SLC12A1: variants seen among roughly 807,000 people sequenced by gnomAD.
The protein encoded by SLC12A1 is solute carrier family 12 member 1, also known as Na-K-2Cl cotransporter.
A neutral mutation model predicts 130.4 loss-of-function variants in SLC12A1; 89 were observed. The ratio of observed to expected loss-of-function variants is 0.68; its 90% confidence interval spans 0.58 to 0.81. The LOEUF (loss-of-function observed/expected upper bound fraction) is 0.81, where lower values mean the gene tolerates loss of function less well. SLC12A1 is among the 40% of genes least tolerant of loss of function. The probability of loss-of-function intolerance (pLI) is 0.00; values close to 1 mark genes in which losing one functional copy is unlikely to be tolerated. For synonymous variants in SLC12A1, 499 were observed against 460.0 expected (o/e 1.08, Z -1.09); for missense variants, 1,310 against 1,336.4 (o/e 0.98, Z 0.31).
chr15:48,287,998 TG>T (rs760685741), intron 21 of SLC12A1, 44 bp from the exon 22 acceptor site: 1 of 1,583,866 alleles, frequency 6.3e-7, no homozygotes. Context: ...ATTTTGTTTC[TG>T]CCCTCAAAAG....
intron 9 of SLC12A1, among the ~76,000 whole-genome samples, chr15:48,239,758 C>G (rs549195488): frequency 2.0e-5 from 3 of 151,510 alleles, no homozygotes; most frequent in African/African-American, 7.2e-5. Context: ...TCAAGTGATT[C>G]TCGTGCCTCA....
At chr15:48,302,626 CAAAAAAAAA>C (rs35095948) in intron 26 of SLC12A1, 115 bp from the exon 27 acceptor site, 11 of 142,140 alleles carry the variant, frequency 7.7e-5, no homozygotes, top group Middle Eastern at 3.0e-3. Flanking sequence ...GACTCCGTCT[CAAAAAAAAA>C]AAAAAAAAAA....
In SLC12A1 at chr15:48,230,402, T is replaced by A. The variant is rs2041359398; in HGVS notation, c.874T>A (p.Ser292Thr). 6.2e-7 allele frequency: 1 copy of A among 1,609,038 alleles called. No homozygotes were observed. The highest frequency in any genetic ancestry group is 1.3e-5 in the African/African-American group (1 of 74,852). Residue 292 changes from serine (S) to threonine (T), a missense_variant, in exon 7 of 27, where the codon TCG (serine) becomes ACG (threonine). By Grantham distance (58) the Ser-to-Thr change is moderately conservative. Transcript: ENST00000380993. ...TVVDLLKESD[S>T]MMVDPTNDIR... ...TAATTTGTTTCCCCAGGAGAGTGATTCGATGATGGTGGATCCAACCAATGA... is the reference window on the plus strand; with the variant it reads ...TAATTTGTTTCCCCAGGAGAGTGATACGATGATGGTGGATCCAACCAATGA...
At chr15:48,287,152 C>T (rs973061935) in intron 21 of SLC12A1, among the ~76,000 whole-genome samples, 4 of 152,166 alleles carry the variant, frequency 2.6e-5, no homozygotes, top group Non-Finnish European at 5.9e-5. Flanking sequence ...TTCAAAGACA[C>T]AGATATGAGA....
chr15:48,254,620 A>AAAAAAAAAAAAC (rs2041684045), intron 15 of SLC12A1, among the ~76,000 whole-genome samples: 1 of 135,660 alleles, frequency 7.4e-6, no homozygotes, highest in Non-Finnish European at 1.5e-5. Context: ...AAAAAAAAAA[A>AAAAAAAAAAAAC]AAAAAAAAAA....
chr15:48,303,202 C>A lies in SLC12A1; in HGVS notation c.*317C>A. On this transcript the variant is annotated 3_prime_UTR_variant, in exon 27 of 27. Coordinates refer to ENST00000380993, the MANE Select transcript of SLC12A1 (RefSeq NM_000338.3). The stretch of plus-strand genomic sequence containing the variant: ...CAATGTGATTGTAAACTTCTCCAGA[C>A]AAACTTAACCTTTTGTTTCTTAATT... 1 of 186,506 alleles carries A rather than the reference C, an allele frequency of 5.4e-6. No homozygotes were observed. Among genetic ancestry groups the A allele is most frequent in the Non-Finnish European group, 1.1e-5 (1 of 91,074 alleles). 11.6% of individuals were successfully genotyped at this position (186,506 alleles called of 1,614,324 possible). A position where few individuals can be genotyped will look rare whatever the true frequency, so the allele number is the denominator to read the frequency against.
chr15:48,235,315 C>A, intron 9 of SLC12A1: 56 of 315,852 alleles, frequency 1.8e-4, no homozygotes, highest in South Asian at 3.2e-4. Flanking sequence ...CTTTTAAACC[C>A]AAATGAATAG....
chr15:48,221,374 G>A (rs1368746100), intron 4 of SLC12A1: 1 of 701,560 alleles, frequency 1.4e-6, no homozygotes, highest in Admixed American at 2.0e-5. Flanking sequence ...AAACTTCACT[G>A]AACAAAAATA....
intron 25 of SLC12A1, among the ~76,000 whole-genome samples, chr15:48,300,646 C>T (rs562926732): frequency 2.0e-5 from 3 of 152,206 alleles, no homozygotes; most frequent in Admixed American, 1.3e-4. Flanking sequence ...ACAAACTGCC[C>T]GGTTCTGACC....
intron 9 of SLC12A1, among the ~76,000 whole-genome samples, chr15:48,235,615 G>C (rs2041431021): frequency 6.6e-6 from 1 of 151,852 alleles, no homozygotes; most frequent in African/African-American, 2.4e-5. Flanking sequence ...AGGCCGGCCT[G>C]GGCAACACAG....
intron 25 of SLC12A1, among the ~76,000 whole-genome samples, 162 bp from the exon 26 acceptor site, chr15:48,301,152 AT>A (rs2042227692): frequency 6.6e-6 from 1 of 152,242 alleles, no homozygotes; most frequent in East Asian, 1.9e-4. Flanking sequence ...AAAATTTCTC[AT>A]GAGGTTTTAA....
intron 9 of SLC12A1, chr15:48,237,121 T>C: frequency 1.5e-6 from 1 of 673,288 alleles, no homozygotes; most frequent in Non-Finnish European, 2.7e-6. Context: ...AGAAATTGCC[T>C]GTCCCCTCAA....
chr15:48,269,785 C>A lies in SLC12A1; in HGVS notation c.2402+21C>A, dbSNP rs749924651. ...ATACAGTAAGTGATGGCTTTCAAGA[C>A]GTGTTCTTGTTTATAAAGCACTAAG... is the stretch of plus-strand genomic sequence containing the variant. On this transcript the variant is annotated intron_variant, in intron 19 of 26. Transcript: ENST00000380993. 3 of 1,349,586 alleles carry A rather than the reference C, an allele frequency of 2.2e-6. No homozygotes were observed. The Admixed American group carries it at 5.1e-5, about 23-fold the overall frequency. 83.6% of individuals were successfully genotyped at this position (1,349,586 alleles called of 1,614,324 possible).
rs1051622941 is a variant in SLC12A1 at position 48,208,054 on chromosome 15, T to C, written c.335T>C (p.Ile112Thr). 10 of 1,613,854 alleles carry C rather than the reference T, an allele frequency of 6.2e-6. No homozygotes were observed. The highest frequency in any genetic ancestry group is 5.0e-5 in the Admixed American group (3 of 59,998). ...GHNTMDAVPK[I>T]EYYRNTGSIS... ...AACACCATGGATGCCGTTCCCAAGA[T>C]AGAGTACTATCGTAACACCGGCAGC... The change falls in exon 2 of 27, where the codon ATA becomes ACA. Residue 112 changes from isoleucine to threonine, a missense_variant. Ile to Thr is a moderately conservative substitution (Grantham distance 89). Transcript: ENST00000380993.
In SLC12A1 at chr15:48,220,733, G is replaced by A. The variant is rs1389416826; in HGVS notation, c.520G>A (p.Val174Ile). The A allele has an allele frequency of 6.2e-7, 1 of 1,613,940 alleles. No homozygotes were observed. Among genetic ancestry groups the A allele is most frequent in the Non-Finnish European group, 8.5e-7 (1 of 1,179,876 alleles). Residue 174 changes from valine (V) to isoleucine (I), a missense_variant, in exon 3 of 27, where the codon GTT becomes ATT. By Grantham distance (29) the Val-to-Ile change is conservative. Transcript: ENST00000380993. ...AENKEDDQAG[V>I]VKFGWVKGVL... ...AAATAAGGAAGATGATCAAGCTGGT[G>A]TTGTGAAGTTTGGATGGGTGAAAGG...
intron 11 of SLC12A1, 33 bp from the exon 12 acceptor site, chr15:48,246,876 G>A: frequency 6.9e-7 from 1 of 1,445,322 alleles, no homozygotes; most frequent in South Asian, 1.1e-5. Context: ...CCAAATCACA[G>A]AAAGTCTCCT....
At chr15:48,257,211 T>A (rs187506943) in intron 16 of SLC12A1, among the ~76,000 whole-genome samples, 1 of 152,336 alleles carries the variant, frequency 6.6e-6, no homozygotes, top group African/African-American at 2.4e-5. Context: ...GTTGAGCAGC[T>A]CTGCCCCTGT....
At position 48,285,092 on chromosome 15, in the gene SLC12A1, T is replaced by C. The variant is rs1566855934; in HGVS notation, c.2486-14T>C. On this transcript the variant is annotated splice_polypyrimidine_tract_variant and intron_variant, in intron 20 of 26. Transcript: ENST00000380993. ...GTTCTGAGTTAAGTAGGTGATTTTG[T>C]CTTCTTTCATCAGAGGAATTAGAGA... is the stretch of plus-strand genomic sequence containing the variant. The C allele has an allele frequency of 6.4e-7, 1 of 1,551,658 alleles. No homozygotes were observed. The highest frequency in any genetic ancestry group is 8.7e-7 in the Non-Finnish European group (1 of 1,150,642).
In SLC12A1 at chr15:48,207,825, G is replaced by T; in HGVS notation, c.106G>T (p.Ala36Ser). ...TGAGAACCATGAGAGCAGTGCAGCT[G>T]CAGATGACAATACTGACCCACCACA... Reference protein sequence around the residue: ...INENHESSAAADDNTDPPHYE... With the variant: ...INENHESSAASDDNTDPPHYE... The change falls in exon 2 of 27, where the codon GCA becomes TCA. Residue 36 changes from alanine to serine, a missense_variant. Ala to Ser is a moderately conservative substitution (Grantham distance 99). Transcript: ENST00000380993. 6.2e-7 allele frequency: 1 copy of T among 1,613,956 alleles called. No individual in the cohort carries two copies. Among genetic ancestry groups the T allele is most frequent in the Non-Finnish European group, 8.5e-7 (1 of 1,179,866 alleles).
Sources: allele counts gnomAD v4.1 joint callset (sites outside exome capture counted in the v4.1 genomes callset), GRCh38; gene constraint gnomAD v4.1.1; transcripts MANE v1.5; gene names NCBI Gene and HGNC (gene_info 2026-07-23, HGNC 2026-07-21).